The following IPCEF1 variants were observed in gnomAD, a reference collection of about 807,000 sequenced individuals.
The protein encoded by IPCEF1 is interaction protein for cytohesin exchange factors 1.
IPCEF1 carries 31 observed loss-of-function variants against 50.9 expected under a neutral mutation model. The observed-to-expected ratio is 0.61, with a 90% CI of 0.46 to 0.82. IPCEF1 has a LOEUF of 0.82. Ranked by LOEUF, IPCEF1 falls within the 40% of genes least tolerant of loss-of-function variation. The probability of loss-of-function intolerance (pLI) is 0.00; values close to 1 mark genes in which losing one functional copy is unlikely to be tolerated. For synonymous variants in IPCEF1, 181 were observed against 192.0 expected (o/e 0.94, Z 0.47); for missense variants, 458 against 514.0 (o/e 0.89, Z 1.05).
chr6:154,237,758 T>G (rs1170387956), intron 5 of IPCEF1, among the ~76,000 whole-genome samples: 1 of 152,184 alleles, frequency 6.6e-6, no homozygotes, highest in African/African-American at 2.4e-5. Flanking sequence ...TACTGCTGGC[T>G]TGCTTCAAGA....
chr6:154,213,178 T>C, intron 8 of IPCEF1: 1 of 283,528 alleles, frequency 3.5e-6, no homozygotes, highest in Non-Finnish European at 6.8e-6. Context: ...GTGATTAATT[T>C]TGATTGTAGG....
chr6:154,331,827 A>C (rs1210773883), intron 1 of IPCEF1, among the ~76,000 whole-genome samples: 4 of 151,938 alleles, frequency 2.6e-5, no homozygotes, highest in African/African-American at 4.8e-5. Context: ...GTGGGTGAGG[A>C]CAGCCCACCC....
chr6:154,353,001 A>G (rs1303729813), intron 1 of IPCEF1, among the ~76,000 whole-genome samples: 1 of 152,234 alleles, frequency 6.6e-6, no homozygotes, highest in African/African-American at 2.4e-5. Flanking sequence ...AGTCATCCAG[A>G]GAAAATAACC....
intron 5 of IPCEF1, 33 bp downstream of exon 5, chr6:154,246,558 C>T (rs532785761): frequency 1.2e-5 from 19 of 1,582,074 alleles, no homozygotes; most frequent in Non-Finnish European, 1.5e-5. Flanking sequence ...CTCATTAAAA[C>T]GGCTGGGAAT....
chr6:154,246,095 C>G (rs771318082), intron 5 of IPCEF1, among the ~76,000 whole-genome samples: 47 of 152,058 alleles, frequency 3.1e-4, no homozygotes, highest in Admixed American at 1.7e-3. Context: ...CAAACCAACC[C>G]ATTTGATAAA....
At chr6:154,184,755 T>G (rs1032017094) in intron 10 of IPCEF1, among the ~76,000 whole-genome samples, 1 of 148,082 alleles carries the variant, frequency 6.8e-6, no homozygotes, top group Admixed American at 6.6e-5. Context: ...AAAGGAAATC[T>G]TTATTTTTTC....
intron 3 of IPCEF1, among the ~76,000 whole-genome samples, chr6:154,251,714 G>C (rs1486299958): frequency 2.0e-5 from 3 of 152,166 alleles, no homozygotes; most frequent in Non-Finnish European, 4.4e-5. Context: ...AGGGAAGCAA[G>C]GACTAGAGAT....
intron 10 of IPCEF1, among the ~76,000 whole-genome samples, chr6:154,180,414 A>ATATATATATATATAT (rs1241250621): frequency 4.6e-5 from 3 of 65,268 alleles, no homozygotes; most frequent in African/African-American, 1.4e-4. Flanking sequence ...ATATATATAT[A>ATATATATATATATAT]TTTTTTTTTT....
chr6:154,327,533 C>T (rs1315975878), intron 1 of IPCEF1, among the ~76,000 whole-genome samples: 1 of 152,102 alleles, frequency 6.6e-6, no homozygotes, highest in Non-Finnish European at 1.5e-5. Flanking sequence ...CATCTCACGC[C>T]AGTCAGAATG....
chr6:154,306,028 T>C (rs1361623716), intron 1 of IPCEF1, among the ~76,000 whole-genome samples: 2 of 152,216 alleles, frequency 1.3e-5, no homozygotes, highest in African/African-American at 4.8e-5. Context: ...CTTGCGATCG[T>C]GTGAGTCAAT....
At chr6:154,192,327 TGTG>T (rs1801971094) in intron 10 of IPCEF1, among the ~76,000 whole-genome samples, 2 of 142,322 alleles carry the variant, frequency 1.4e-5, no homozygotes, top group Non-Finnish European at 3.0e-5. Context: ...ACTGTGTGTG[TGTG>T]TGTGTGTGTG....
intron 2 of IPCEF1, among the ~76,000 whole-genome samples, chr6:154,283,321 G>A (rs1347042127): frequency 1.3e-4 from 19 of 143,262 alleles, no homozygotes; most frequent in African/African-American, 5.0e-4. Context: ...AGAGGGCCGG[G>A]CACAGTGCCT....
intron 1 of IPCEF1, among the ~76,000 whole-genome samples, chr6:154,338,160 A>C (rs13195614): frequency 0.069 from 10,572 of 152,160 alleles, 394 homozygotes; most frequent in South Asian, 0.11. Context: ...CTGCTCCTTC[A>C]TGCCTCCCAG....
Position 154,199,891 on chromosome 6 carries a change from C to A in IPCEF1, c.687G>T (p.Leu229Phe). 6.2e-7 allele frequency: 1 copy of A among 1,614,150 alleles called. No individual in the cohort carries two copies. The highest frequency in any genetic ancestry group is 8.5e-7 in the Non-Finnish European group (1 of 1,180,030). Reference sequence around the variant, plus strand: ...GTTGTCCCTCATCTTCAGCAGCAGACAAACTGTTAACTGTGTCAGGCAAGG... The same window carrying A: ...GTTGTCCCTCATCTTCAGCAGCAGAAAAACTGTTAACTGTGTCAGGCAAGG... ...RQSLPDTVNS[L>F]SAAEDEGQPI... The change falls in exon 10 of 12, where the codon TTG becomes TTT. Residue 229 changes from leucine (L) to phenylalanine (F), a missense_variant. By Grantham distance (22) the Leu-to-Phe change is conservative. Transcript: ENST00000367220.
chr6:154,244,369 C>T (rs550519001), intron 5 of IPCEF1, among the ~76,000 whole-genome samples: 3 of 151,446 alleles, frequency 2.0e-5, no homozygotes, highest in Admixed American at 2.0e-4. Context: ...CCCCTACATA[C>T]CATTAGTTTT....
At chr6:154,211,707 A>C (rs1483164982) in intron 9 of IPCEF1, among the ~76,000 whole-genome samples, 1 of 152,252 alleles carries the variant, frequency 6.6e-6, no homozygotes, top group East Asian at 1.9e-4. Flanking sequence ...CAGTTTAAAA[A>C]AGATTAAAAG....
At position 154,273,785 on chromosome 6, in the gene IPCEF1, C is replaced by G. The variant is rs558035336; in HGVS notation, c.-17-7821G>C. Among the ~76,000 whole-genome samples, 12 of 107,526 alleles carry G rather than the reference C, an allele frequency of 1.1e-4. 1 individual carries two copies. The East Asian group carries it at 2.9e-3, about 26-fold the overall frequency. 70.5% of individuals were successfully genotyped at this position (107,526 alleles called of 152,430 possible). A position where few individuals can be genotyped will look rare whatever the true frequency, so the allele number is the denominator to read the frequency against. On this transcript the variant is annotated intron_variant, in intron 2 of 11. Transcript: ENST00000367220. ...TTTTTTTTTTTTGAGGCAGAGTCTC[C>G]CTCTGTCGCCCAGGCTGGAGTGCAG... is the stretch of plus-strand genomic sequence containing the variant.
At chr6:154,174,866 T>A (rs911406404) in intron 10 of IPCEF1, among the ~76,000 whole-genome samples, 3 of 152,142 alleles carry the variant, frequency 2.0e-5, no homozygotes, top group Admixed American at 6.5e-5. Context: ...CAACAGAATA[T>A]AGATTTTTCT....
At position 154,246,595 on chromosome 6, in the gene IPCEF1, T is replaced by G; in HGVS notation, c.242A>C (p.Gln81Pro). Residue 81 changes from glutamine (Q) to proline (P), a missense_variant, in exon 5 of 12, where the codon CAA becomes CCA. Gln to Pro is a moderately conservative substitution (Grantham distance 76, BLOSUM62 -1). Coordinates refer to ENST00000367220, the MANE Select transcript of IPCEF1 (RefSeq NM_001130700.2). ...GGAGGAAGAAAGCAGACTCACCATT[T>G]GATTGCTATACCAGTACAGTGACGA... ...KGSSLYWYSN[Q>P]MAEKADGFVN... 1.2e-6 allele frequency: 2 copies of G among 1,610,468 alleles called. No individual in the cohort carries two copies. Among genetic ancestry groups the G allele is most frequent in the Non-Finnish European group, 1.7e-6 (2 of 1,177,748 alleles).
Sources: allele counts gnomAD v4.1 joint callset (sites outside exome capture counted in the v4.1 genomes callset), GRCh38; gene constraint gnomAD v4.1.1; transcripts MANE v1.5; gene names NCBI Gene and HGNC (gene_info 2026-07-23, HGNC 2026-07-21).